The following DMD variants were observed in gnomAD, a reference collection of about 807,000 sequenced individuals.
DMD encodes the protein mutant dystrophin.
In DMD, 63 loss-of-function variants were observed where a neutral mutation model predicts 330.1. The observed-to-expected ratio is 0.19, with a 90% CI of 0.16 to 0.24. The LOEUF is 0.24. Ranked by LOEUF, DMD falls within the 10% of genes least tolerant of loss-of-function variation. The probability of loss-of-function intolerance (pLI) is 1.00; values close to 1 mark genes in which losing one functional copy is unlikely to be tolerated. For synonymous variants in DMD, 1,223 were observed against 959.8 expected, an observed-to-expected ratio of 1.27 and a Z score of -5.07; for missense variants, 3,344 against 2,684.1, an observed-to-expected ratio of 1.25 and a Z score of -5.43.
intron 55 of DMD, among the ~76,000 whole-genome samples, chrX:31,568,748 G>T (rs1485654965): frequency 9.0e-6 from 1 of 111,335 alleles, no homozygotes; most frequent in Non-Finnish European, 1.9e-5. Context: ...TAGACCATTT[G>T]CATTTAAGGT....
At chrX:32,576,072 G>A (rs1340343395) in intron 13 of DMD, among the ~76,000 whole-genome samples, 1 of 111,257 alleles carries the variant, frequency 9.0e-6, no homozygotes, top group Admixed American at 9.6e-5. Flanking sequence ...GAAATTCTGA[G>A]ATGTACTAAT....
At chrX:32,382,824 T>A (rs1006307233) in intron 33 of DMD, among the ~76,000 whole-genome samples, 1 of 110,880 alleles carries the variant, frequency 9.0e-6, no homozygotes, top group African/African-American at 3.3e-5. Flanking sequence ...TGATTTTTAT[T>A]TATTTCATTT....
At chrX:32,982,007 T>C (rs2092718933) in intron 2 of DMD, among the ~76,000 whole-genome samples, 2 of 111,912 alleles carry the variant, frequency 1.8e-5, no homozygotes, top group Non-Finnish European at 3.8e-5. Flanking sequence ...AAGATTTTTC[T>C]GTCGATCATT....
At chrX:32,527,953 G>A (rs756504620) in intron 17 of DMD, among the ~76,000 whole-genome samples, 10 of 111,711 alleles carry the variant, frequency 9.0e-5, no homozygotes, top group African/African-American at 2.9e-4. Flanking sequence ...TGTGTGATAC[G>A]TGTGTGTTTG....
chrX:31,918,080 A>G (rs889930299), intron 47 of DMD, among the ~76,000 whole-genome samples: 2 of 112,804 alleles, frequency 1.8e-5, no homozygotes, highest in Non-Finnish European at 3.7e-5. Context: ...CGTACATTAA[A>G]GTTTGAGAAG....
chrX:32,612,675 A>C (rs375129348), intron 12 of DMD, among the ~76,000 whole-genome samples: 4 of 111,533 alleles, frequency 3.6e-5, no homozygotes, highest in African/African-American at 1.3e-4. Flanking sequence ...ACGGTTAGAG[A>C]ACTAGCACTG....
At chrX:32,590,769 T>G (rs2054818265) in intron 13 of DMD, among the ~76,000 whole-genome samples, 1 of 111,256 alleles carries the variant, frequency 9.0e-6, no homozygotes, top group Non-Finnish European at 1.9e-5. Flanking sequence ...TGTCAGCTTC[T>G]CTGGTCTTGA....
chrX:32,273,858 A>T (rs1466880535), intron 43 of DMD, among the ~76,000 whole-genome samples: 2 of 111,949 alleles, frequency 1.8e-5, no homozygotes, highest in Non-Finnish European at 3.8e-5. Context: ...TTTTCAGGAG[A>T]AAGAAATAGG....
intron 11 of DMD, among the ~76,000 whole-genome samples, chrX:32,632,790 C>A: frequency 8.9e-6 from 1 of 112,077 alleles, no homozygotes; most frequent in Non-Finnish European, 1.9e-5. Context: ...GCAGCTGGGA[C>A]CCTGGGCCTG....
At chrX:32,574,873 A>G (rs1394816014) in intron 13 of DMD, among the ~76,000 whole-genome samples, 6 of 107,150 alleles carry the variant, frequency 5.6e-5, no homozygotes, top group Admixed American at 3.1e-4. Context: ...TGCAAATGAA[A>G]TTAGCATCAT....
At chrX:32,254,198 C>T (rs769487163) in intron 43 of DMD, among the ~76,000 whole-genome samples, 1 of 111,228 alleles carries the variant, frequency 9.0e-6, no homozygotes, top group African/African-American at 3.3e-5. Flanking sequence ...TGCGCCAACA[C>T]GCCTGGCCAA....
chrX:31,631,587 G>A (rs2079139643), intron 54 of DMD, among the ~76,000 whole-genome samples: 1 of 110,974 alleles, frequency 9.0e-6, no homozygotes, highest in Non-Finnish European at 1.9e-5. Flanking sequence ...TGACTGTATG[G>A]TAGCCCAGCT....
At chrX:32,994,070 G>A (rs2093052170) in intron 2 of DMD, among the ~76,000 whole-genome samples, 1 of 110,121 alleles carries the variant, frequency 9.1e-6, no homozygotes, top group Non-Finnish European at 1.9e-5. Flanking sequence ...GGGGAATGTA[G>A]CAAAGCCTGT....
chrX:31,846,410 C>T (rs892391688), intron 48 of DMD, among the ~76,000 whole-genome samples: 3 of 102,033 alleles, frequency 2.9e-5, no homozygotes, highest in Non-Finnish European at 4.0e-5. Flanking sequence ...TGAATGGGAA[C>T]GTTTGCTCTG....
chrX:31,971,874 C>T (rs2095402126), intron 44 of DMD, among the ~76,000 whole-genome samples: 1 of 111,763 alleles, frequency 8.9e-6, no homozygotes, highest in African/African-American at 3.2e-5. Flanking sequence ...ATCTATTTCT[C>T]TGGCAATTAA....
At chrX:32,422,073 T>C (rs2098192283) in intron 29 of DMD, among the ~76,000 whole-genome samples, 1 of 111,241 alleles carries the variant, frequency 9.0e-6, no homozygotes, top group Non-Finnish European at 1.9e-5. Flanking sequence ...CTTGGTTTAG[T>C]TGTTGAGGAA....
At chrX:32,931,001 AT>A (rs909658948) in intron 2 of DMD, among the ~76,000 whole-genome samples, 26 of 107,671 alleles carry the variant, frequency 2.4e-4, no homozygotes, top group Admixed American at 7.1e-4. Context: ...TATATATATT[AT>A]TTTATACTAT....
intron 51 of DMD, among the ~76,000 whole-genome samples, chrX:31,755,321 G>A (rs996397039): frequency 7.2e-5 from 8 of 111,875 alleles, no homozygotes; most frequent in African/African-American, 2.6e-4. Flanking sequence ...TGTATTCTTT[G>A]GAATGGTGCC....
intron 1 of DMD, among the ~76,000 whole-genome samples, chrX:33,166,999 A>T (rs2148684317): frequency 9.0e-6 from 1 of 111,319 alleles, no homozygotes; most frequent in African/African-American, 3.2e-5. Context: ...CAAATTAAGT[A>T]CCTACTATGG....
Sources: allele counts gnomAD v4.1 joint callset (sites outside exome capture counted in the v4.1 genomes callset), GRCh38; gene constraint gnomAD v4.1.1; transcripts MANE v1.5; gene names NCBI Gene and HGNC (gene_info 2026-07-23, HGNC 2026-07-21).